Variants in TXLNB observed in about 807,000 individuals in gnomAD.
The protein encoded by TXLNB is beta-taxilin.
TXLNB carries 37 observed loss-of-function variants against 57.4 expected under a neutral mutation model. The ratio of observed to expected loss-of-function variants is 0.64; its 90% confidence interval spans 0.50 to 0.85. The LOEUF (loss-of-function observed/expected upper bound fraction) is 0.85. Ranked by LOEUF, TXLNB falls within the 40% of genes least tolerant of loss-of-function variation. TXLNB has a pLI of 0.00. For synonymous variants in TXLNB, 302 were observed against 309.6 expected (o/e 0.98, Z 0.26); for missense variants, 848 against 825.6 (o/e 1.03, Z -0.33).
chr6:139,168,886 A>G, the TXLNB span, among the ~76,000 whole-genome samples: 22 of 152,290 alleles, frequency 1.4e-4, no homozygotes, highest in South Asian at 4.6e-3. Context: ...AATTTTGAAG[A>G]CATTTCTTTA....
chr6:139,276,309 A>G (rs1316452851), intron 3 of TXLNB, among the ~76,000 whole-genome samples: 1 of 152,244 alleles, frequency 6.6e-6, no homozygotes, highest in Non-Finnish European at 1.5e-5. Context: ...ATTATTCTCA[A>G]TAACTTCTAT....
At chr6:139,181,727 A>G in the TXLNB span, among the ~76,000 whole-genome samples, 23 of 152,310 alleles carry the variant, frequency 1.5e-4, no homozygotes, top group African/African-American at 4.1e-4. Flanking sequence ...GTGTAGACAA[A>G]TCAACAACTG....
chr6:139,240,904 CTAT>C lies in TXLNB; in HGVS notation c.*1619_*1621del, dbSNP rs1775918338. 3 of 152,322 alleles carry C rather than the reference CTAT, an allele frequency of 2.0e-5. No individual in the cohort carries two copies. Among genetic ancestry groups the C allele is most frequent in the South Asian group, 4.1e-4 (2 of 4,822 alleles). The allele number at this position is 152,322 out of a possible 1,614,324, so 9.4% of individuals were successfully genotyped here. Reference sequence around the variant, plus strand: ...GGATGAGTACTAGAGAATTTTGTTTCTATCCATTTTTCTACTTGAGTTCAACTT... The same window carrying C: ...GGATGAGTACTAGAGAATTTTGTTTCCCATTTTTCTACTTGAGTTCAACTT... On this transcript the variant is annotated 3_prime_UTR_variant, in exon 10 of 10. Transcript: ENST00000358430.
chr6:139,293,182 C>T (rs1777335133), upstream of TXLNB, among the ~76,000 whole-genome samples: 1 of 152,130 alleles, frequency 6.6e-6, no homozygotes, highest in Non-Finnish European at 1.5e-5. Flanking sequence ...ACTGCAACCT[C>T]CCGGGTTCAA....
chr6:139,317,404 T>G, the TXLNB span, among the ~76,000 whole-genome samples: 7,645 of 151,534 alleles, frequency 0.05, 263 homozygotes, highest in Admixed American at 0.093. Flanking sequence ...ACAGAGGTTT[T>G]TTTTTTTTTT....
At chr6:139,166,303 C>G in the TXLNB span, 7 of 1,608,738 alleles carry the variant, frequency 4.4e-6, no homozygotes, top group Non-Finnish European at 6.0e-6. Context: ...GTGCCACTCC[C>G]CTGATCTGCA....
the TXLNB span, chr6:139,174,732 T>C: frequency 2.9e-4 from 200 of 699,636 alleles, no homozygotes; most frequent in African/African-American, 3.3e-3. Flanking sequence ...TAATATATAA[T>C]TATGTGGGAA....
At chr6:139,309,948 T>A in the TXLNB span, among the ~76,000 whole-genome samples, 1 of 152,192 alleles carries the variant, frequency 6.6e-6, no homozygotes, top group Non-Finnish European at 1.5e-5. Flanking sequence ...GAAATTGGAC[T>A]CTTGTCTTAC....
At chr6:139,161,341 A>G in the TXLNB span, among the ~76,000 whole-genome samples, 1 of 152,164 alleles carries the variant, frequency 6.6e-6, no homozygotes, top group African/African-American at 2.4e-5. Flanking sequence ...GGCCACATCA[A>G]AGTGGCTGAC....
chr6:139,301,164 C>A, the TXLNB span, among the ~76,000 whole-genome samples: 1 of 151,986 alleles, frequency 6.6e-6, no homozygotes, highest in Non-Finnish European at 1.5e-5. Context: ...CAACTTGGGA[C>A]CTTGATACCA....
Position 139,262,578 on chromosome 6 carries a change from CCTCCT to C in TXLNB, c.878_882del (p.Glu293AlafsTer7). The C allele has an allele frequency of 6.2e-7, 1 of 1,611,508 alleles. No homozygotes were observed. Among genetic ancestry groups the C allele is most frequent in the South Asian group, 1.1e-5 (1 of 90,622 alleles). ...TCTAAGTTGTTTGATGTGGTTCTCA[CCTCCT>C]CTCTGAGCTCATACTGATCGATGAT... is the stretch of plus-strand genomic sequence containing the variant. On this transcript the variant is annotated frameshift_variant and splice_region_variant, in exon 5 of 10. Coordinates refer to ENST00000358430, the MANE Select transcript of TXLNB (RefSeq NM_153235.4). LOFTEE classifies it high-confidence loss of function.
downstream of TXLNB, chr6:139,237,378 G>A (rs148920104): frequency 0.013 from 2,033 of 152,094 alleles, 22 homozygotes; most frequent in African/African-American, 0.017. Flanking sequence ...GGTGGCACAT[G>A]CCTGTAGTCC....
chr6:139,186,983 T>G, the TXLNB span, among the ~76,000 whole-genome samples: 1 of 152,168 alleles, frequency 6.6e-6, no homozygotes, highest in African/African-American at 2.4e-5. Flanking sequence ...AGAAAATGAT[T>G]GCAAAGGGCA....
At chr6:139,320,302 G>C in the TXLNB span, among the ~76,000 whole-genome samples, 2 of 152,086 alleles carry the variant, frequency 1.3e-5, no homozygotes, top group Non-Finnish European at 2.9e-5. Context: ...TATCGATTTT[G>C]AGCACTAATC....
In TXLNB at chr6:139,240,910, A is replaced by C. The variant is rs1006533854; in HGVS notation, c.*1616T>G. 1 of 152,136 alleles carries C rather than the reference A, an allele frequency of 6.6e-6. No homozygotes were observed. Among genetic ancestry groups the C allele is most frequent in the Non-Finnish European group, 1.5e-5 (1 of 68,010 alleles). 9.4% of individuals were successfully genotyped at this position (152,136 alleles called of 1,614,324 possible). A position where few individuals can be genotyped will look rare whatever the true frequency, so the allele number is the denominator to read the frequency against. Reference sequence around the variant, plus strand: ...GTACTAGAGAATTTTGTTTCTATCCATTTTTCTACTTGAGTTCAACTTTCA... The same window carrying C: ...GTACTAGAGAATTTTGTTTCTATCCCTTTTTCTACTTGAGTTCAACTTTCA... On this transcript the variant is annotated 3_prime_UTR_variant, in exon 10 of 10. Transcript: ENST00000358430.
intron 2 of TXLNB, among the ~76,000 whole-genome samples, chr6:139,281,539 C>CCTTTTTTTTTTTTTTTTTTT (rs1213464486): frequency 1.7e-5 from 1 of 57,488 alleles, no homozygotes; most frequent in East Asian, 5.1e-4. Flanking sequence ...ATCTGGAGTT[C>CCTTTTTTTTTTTTTTTTTTT]TTTTTTTTTT....
the TXLNB span, among the ~76,000 whole-genome samples, chr6:139,219,594 C>G: frequency 1.3e-5 from 2 of 152,124 alleles, no homozygotes; most frequent in African/African-American, 4.8e-5. Context: ...AGACTGGAGA[C>G]GTCAGGAAGC....
chr6:139,284,497 C>T lies in TXLNB; in HGVS notation c.424+3979G>A, dbSNP rs892857343. Among the ~76,000 whole-genome samples the T allele has an allele frequency of 2.1e-5, 3 of 144,938 alleles. 1 individual carries two copies. Among genetic ancestry groups the T allele is most frequent in the African/African-American group, 7.6e-5 (3 of 39,330 alleles). The stretch of plus-strand genomic sequence containing the variant: ...GAGCCGAAATCGCGCCACTGCACTC[C>T]AGCCTGGCAACAGAGTGAGACTCTG... On this transcript the variant is annotated intron_variant, in intron 2 of 9. Transcript: ENST00000358430.
the TXLNB span, among the ~76,000 whole-genome samples, chr6:139,189,188 G>A: frequency 5.9e-5 from 9 of 152,220 alleles, 1 homozygote; most frequent in Non-Finnish European, 1.5e-5. Flanking sequence ...AGCTTTCGGG[G>A]TAAAAGCATT....
Sources: allele counts gnomAD v4.1 joint callset (sites outside exome capture counted in the v4.1 genomes callset), GRCh38; gene constraint gnomAD v4.1.1; transcripts MANE v1.5; gene names NCBI Gene and HGNC (gene_info 2026-07-23, HGNC 2026-07-21).